MAN1A2: variants seen among roughly 807,000 people sequenced by gnomAD.
MAN1A2 encodes mannosidase alpha class 1A member 2, also known as mannosyl-oligosaccharide 1,2-alpha-mannosidase IB.
MAN1A2 carries 26 observed loss-of-function variants against 75.7 expected under a neutral mutation model. The observed-to-expected ratio is 0.34, with a 90% confidence interval of 0.25 to 0.48. The LOEUF is 0.48. MAN1A2 is among the 20% of genes least tolerant of loss of function. The pLI is 0.99. For missense variants in MAN1A2, 562 were observed against 775.5 expected (o/e 0.72, Z 3.27); for synonymous variants, 247 against 264.6 (o/e 0.93, Z 0.65).
chr1:117,434,961 T>C (rs750748003), intron 5 of MAN1A2, among the ~76,000 whole-genome samples: 3 of 151,942 alleles, frequency 2.0e-5, no homozygotes, highest in Non-Finnish European at 4.4e-5. Context: ...ACAGAAGGAA[T>C]TGATTTTGTC....
At position 117,528,350 on chromosome 1, in the gene MAN1A2, G is replaced by T. The variant is rs1222687786; in HGVS notation, c.*5393G>T. 2 of 152,010 alleles carry T rather than the reference G, an allele frequency of 1.3e-5. No individual in the cohort carries two copies. Among genetic ancestry groups the T allele is most frequent in the Non-Finnish European group, 2.9e-5 (2 of 67,964 alleles). 9.4% of individuals were successfully genotyped at this position (152,010 alleles called of 1,614,324 possible). ...ATGATAGAGGGAGCAGAGACTTACT[G>T]TCTCTCTTCCACATTATAAATGAAC... On this transcript the variant is annotated 3_prime_UTR_variant, in exon 13 of 13. Coordinates refer to ENST00000356554, the MANE Select transcript of MAN1A2 (RefSeq NM_006699.5).
intron 12 of MAN1A2, chr1:117,515,712 G>A (rs1651695450): frequency 6.6e-6 from 1 of 152,510 alleles, no homozygotes; most frequent in Admixed American, 6.6e-5. Context: ...AGTGAAATAA[G>A]TCAGCCATAA....
chr1:117,496,528 A>G (rs1300573849), intron 9 of MAN1A2, among the ~76,000 whole-genome samples: 1 of 151,992 alleles, frequency 6.6e-6, no homozygotes, highest in African/African-American at 2.4e-5. Flanking sequence ...TCTTTAGGCC[A>G]AGTCTCTCCT....
intron 1 of MAN1A2, among the ~76,000 whole-genome samples, chr1:117,386,820 T>C (rs2101733697): frequency 8.8e-6 from 1 of 113,448 alleles, no homozygotes; most frequent in African/African-American, 3.8e-5. Flanking sequence ...TATTTCCACG[T>C]AATCGGGAGG....
intron 8 of MAN1A2, among the ~76,000 whole-genome samples, chr1:117,471,172 C>A (rs1650141988): frequency 1.3e-5 from 2 of 151,578 alleles, no homozygotes; most frequent in East Asian, 3.9e-4. Context: ...GTGGAAAAAA[C>A]AAGAATGGAC....
intron 12 of MAN1A2, among the ~76,000 whole-genome samples, chr1:117,503,677 T>G (rs1342544097): frequency 1.3e-5 from 2 of 151,552 alleles, no homozygotes; most frequent in African/African-American, 4.8e-5. Context: ...ATGAAAGCCT[T>G]GTAAACATTT....
In MAN1A2 at chr1:117,499,503, G is replaced by A; in HGVS notation, c.1626G>A (p.Trp542Ter). Residue 542 changes from tryptophan to a stop codon, truncating the protein, a stop_gained, in exon 11 of 13, where the codon TGG (tryptophan) becomes TGA (stop). Transcript: ENST00000356554. LOFTEE classifies it high-confidence loss of function. ...PEVIETYWYL[W>*]RFTHDPRYRQ... ...TAATTGAAACCTATTGGTACCTATG[G>A]CGATTCACTCACGATCCAAGATACA... 2 of 1,608,044 alleles carry A rather than the reference G, an allele frequency of 1.2e-6. No homozygotes were observed. Among genetic ancestry groups the A allele is most frequent in the Non-Finnish European group, 1.7e-6 (2 of 1,177,010 alleles).
At chr1:117,510,114 T>C (rs1651485324) in intron 12 of MAN1A2, among the ~76,000 whole-genome samples, 1 of 151,976 alleles carries the variant, frequency 6.6e-6, no homozygotes, top group Non-Finnish European at 1.5e-5. Context: ...TTGTTAGATA[T>C]AGAACTTGGT....
At chr1:117,475,607 A>G (rs1650289357) in intron 8 of MAN1A2, among the ~76,000 whole-genome samples, 1 of 152,040 alleles carries the variant, frequency 6.6e-6, no homozygotes, top group South Asian at 2.1e-4. Context: ...GAGTGAGAAC[A>G]TGCAGTGTTT....
At chr1:117,484,415 G>A (rs1335025126) in intron 8 of MAN1A2, among the ~76,000 whole-genome samples, 3 of 151,886 alleles carry the variant, frequency 2.0e-5, no homozygotes, top group Non-Finnish European at 4.4e-5. Flanking sequence ...TGCTTCTTGG[G>A]AACACTTTCA....
At chr1:117,438,490 C>T (rs1359361187) in intron 5 of MAN1A2, among the ~76,000 whole-genome samples, 2 of 152,076 alleles carry the variant, frequency 1.3e-5, no homozygotes, top group Non-Finnish European at 1.5e-5. Flanking sequence ...ATTAGTGTAG[C>T]CTAAGTGTAC....
chr1:117,484,799 T>A (rs1650619776), intron 8 of MAN1A2, among the ~76,000 whole-genome samples: 1 of 151,958 alleles, frequency 6.6e-6, no homozygotes, highest in Non-Finnish European at 1.5e-5. Flanking sequence ...TATAATAGAT[T>A]TGTATTTCAT....
At chr1:117,377,963 G>T (rs568163318) in intron 1 of MAN1A2, among the ~76,000 whole-genome samples, 1 of 152,086 alleles carries the variant, frequency 6.6e-6, no homozygotes, top group Non-Finnish European at 1.5e-5. Flanking sequence ...TTAGCCAGGC[G>T]TGGTGGTGGG....
intron 3 of MAN1A2, among the ~76,000 whole-genome samples, chr1:117,406,359 A>G (rs1218569132): frequency 6.6e-6 from 1 of 152,166 alleles, no homozygotes; most frequent in East Asian, 1.9e-4. Context: ...CTTTTAAGTA[A>G]TGATAGATGA....
chr1:117,386,287 T>A (rs990040869), intron 1 of MAN1A2, among the ~76,000 whole-genome samples: 3 of 152,226 alleles, frequency 2.0e-5, no homozygotes, highest in African/African-American at 2.4e-5. Context: ...TTCTAGACTC[T>A]ATCCTTTCAG....
chr1:117,439,987 C>A (rs1012763140), intron 5 of MAN1A2, among the ~76,000 whole-genome samples: 3 of 152,106 alleles, frequency 2.0e-5, no homozygotes, highest in Non-Finnish European at 4.4e-5. Context: ...TCTTAGATAG[C>A]CATATACTGT....
intron 4 of MAN1A2, among the ~76,000 whole-genome samples, chr1:117,417,830 G>A (rs1443839086): frequency 3.3e-5 from 5 of 151,458 alleles, no homozygotes; most frequent in African/African-American, 7.3e-5. Flanking sequence ...GTCATGGCTC[G>A]TGTCTGTAAT....
At chr1:117,475,075 T>C (rs1650274579) in intron 8 of MAN1A2, among the ~76,000 whole-genome samples, 1 of 151,992 alleles carries the variant, frequency 6.6e-6, no homozygotes, top group South Asian at 2.1e-4. Context: ...CATTCTCCTG[T>C]TGATGGACAT....
intron 1 of MAN1A2, among the ~76,000 whole-genome samples, chr1:117,381,473 A>G (rs553606450): frequency 6.6e-6 from 1 of 152,156 alleles, no homozygotes; most frequent in South Asian, 2.1e-4. Flanking sequence ...ACTGAGAATG[A>G]TGATTTCCAA....
Sources: gnomAD v4.1 joint callset for allele counts (sites outside exome capture counted in the v4.1 genomes callset) on GRCh38, gnomAD v4.1.1 for gene constraint, MANE v1.5 for transcripts, NCBI Gene and HGNC (gene_info 2026-07-23, HGNC 2026-07-21) for gene names.